KIF6: variants seen among roughly 807,000 people sequenced by gnomAD.
KIF6 encodes the protein kinesin-like protein KIF6.
KIF6 carries 106 observed loss-of-function variants against 112.7 expected under a neutral mutation model. The ratio of observed to expected loss-of-function variants is 0.94; its 90% CI spans 0.80 to 1.11. The LOEUF is 1.11. KIF6 is among the 50% of genes least tolerant of loss of function. The pLI is 0.00. For missense variants in KIF6, 929 were observed against 964.0 expected (o/e 0.96, Z 0.48); for synonymous variants, 339 against 339.9 (o/e 1.00, Z 0.03).
In KIF6 at chr6:39,392,997, C is replaced by G. The variant is rs114663593; in HGVS notation, c.1811-7325G>C. On this transcript the variant is annotated intron_variant, in intron 15 of 22. Coordinates refer to ENST00000287152, the MANE Select transcript of KIF6 (RefSeq NM_145027.6). The stretch of plus-strand genomic sequence containing the variant: ...CCCCACACATATCATAGTAAAATTA[C>G]AGAACTTCAGGGAATCAGAACCACT... Among the ~76,000 whole-genome samples the G allele has an allele frequency of 4.8e-3, 736 of 152,290 alleles. 8 individuals are homozygous for G. The highest frequency in any genetic ancestry group is 0.017 in the African/African-American group (695 of 41,550).
intron 12 of KIF6, among the ~76,000 whole-genome samples, chr6:39,541,994 TAGA>T (rs900793803): frequency 6.6e-6 from 1 of 152,110 alleles, no homozygotes; most frequent in Non-Finnish European, 1.5e-5. Flanking sequence ...AACCTCGTGT[TAGA>T]AGAACAACAA....
chr6:39,535,538 T>C (rs1441539633), intron 13 of KIF6, among the ~76,000 whole-genome samples: 1 of 152,188 alleles, frequency 6.6e-6, no homozygotes, highest in Non-Finnish European at 1.5e-5. Flanking sequence ...ATGCAACCAA[T>C]ACAGGAGCAC....
chr6:39,514,132 C>T (rs772169249), intron 13 of KIF6, among the ~76,000 whole-genome samples: 6 of 152,184 alleles, frequency 3.9e-5, no homozygotes, highest in Non-Finnish European at 7.3e-5. Context: ...TTCATACCTA[C>T]TTTTGAATTC....
chr6:39,601,173 A>C, intron 6 of KIF6, among the ~76,000 whole-genome samples: 1 of 152,092 alleles, frequency 6.6e-6, no homozygotes, highest in Middle Eastern at 3.2e-3. Flanking sequence ...TAATGTTCCC[A>C]AAACAACTGT....
chr6:39,514,106 A>G (rs577294111), intron 13 of KIF6, among the ~76,000 whole-genome samples: 3 of 152,296 alleles, frequency 2.0e-5, no homozygotes, highest in Admixed American at 6.5e-5. Flanking sequence ...TTCATTATTT[A>G]CATAAGAACC....
At chr6:39,536,358 T>C (rs1421633511) in intron 13 of KIF6, among the ~76,000 whole-genome samples, 1 of 151,570 alleles carries the variant, frequency 6.6e-6, no homozygotes, top group African/African-American at 2.4e-5. Flanking sequence ...ATCAAATAGA[T>C]GCAATAAAAA....
rs754230285 is a variant in KIF6 at position 39,376,649 on chromosome 6, T to C, written c.1861+8973A>G. On this transcript the variant is annotated intron_variant, in intron 16 of 22. Coordinates refer to ENST00000287152, the MANE Select transcript of KIF6 (RefSeq NM_145027.6). ...GTGTTGGGGAAAGAAAGACAATCTG[T>C]CCAGTGTGGGAGACACAGACTAATC... Among the ~76,000 whole-genome samples the C allele has an allele frequency of 1.7e-3, 260 of 152,310 alleles. 6 individuals are homozygous for C. Among genetic ancestry groups the C allele is most frequent in the Non-Finnish European group, 1.7e-3 (119 of 68,016 alleles).
At chr6:39,482,124 G>A (rs935767008) in intron 13 of KIF6, among the ~76,000 whole-genome samples, 4 of 151,840 alleles carry the variant, frequency 2.6e-5, no homozygotes, top group African/African-American at 7.3e-5. Flanking sequence ...TGCTTTCCAG[G>A]TCACAGCTAT....
intron 6 of KIF6, 134 bp from the exon 7 acceptor site, chr6:39,596,394 G>A: frequency 3.1e-6 from 2 of 644,316 alleles, no homozygotes. Context: ...AAAACCACTT[G>A]TAACTGAGAC....
At chr6:39,588,518 C>T (rs1388241923) in intron 7 of KIF6, among the ~76,000 whole-genome samples, 1 of 152,030 alleles carries the variant, frequency 6.6e-6, no homozygotes, top group Non-Finnish European at 1.5e-5. Flanking sequence ...CCAGCCATTG[C>T]CTGGCTTTTA....
intron 1 of KIF6, among the ~76,000 whole-genome samples, chr6:39,723,036 T>C (rs1790316323): frequency 6.6e-6 from 1 of 152,192 alleles, no homozygotes; most frequent in African/African-American, 2.4e-5. Context: ...CAGCCTCTGC[T>C]CTGACTGCTG....
At chr6:39,368,524 T>A (rs1193814606) in intron 16 of KIF6, among the ~76,000 whole-genome samples, 2 of 152,208 alleles carry the variant, frequency 1.3e-5, no homozygotes, top group Non-Finnish European at 2.9e-5. Context: ...TTTGAAGGTG[T>A]TGCTCTTTTC....
intron 16 of KIF6, among the ~76,000 whole-genome samples, chr6:39,373,318 G>A (rs1459153236): frequency 2.6e-5 from 4 of 152,304 alleles, no homozygotes; most frequent in Non-Finnish European, 5.9e-5. Context: ...GTAATCAATG[G>A]TGTCTGTGAG....
At position 39,336,448 on chromosome 6, in the gene KIF6, G is replaced by A; in HGVS notation, c.*84C>T. ...TCCCAGCAGCCCATAGTTCACTTCT[G>A]AAGCCAGAGCAAGTGAGGGGCGCTG... On this transcript the variant is annotated 3_prime_UTR_variant, in exon 23 of 23. Coordinates refer to ENST00000287152, the MANE Select transcript of KIF6 (RefSeq NM_145027.6). 7.4e-7 allele frequency: 1 copy of A among 1,346,568 alleles called. No homozygotes were observed. Among genetic ancestry groups the A allele is most frequent in the Non-Finnish European group, 1.1e-6 (1 of 936,958 alleles). The allele number at this position is 1,346,568 out of a possible 1,614,324, so 83.4% of individuals were successfully genotyped here.
chr6:39,700,888 T>C (rs970721371), intron 3 of KIF6, among the ~76,000 whole-genome samples: 32 of 152,052 alleles, frequency 2.1e-4, no homozygotes, highest in Admixed American at 4.6e-4. Flanking sequence ...AACTTTTGTA[T>C]TTTTTAGTAG....
At chr6:39,421,250 G>C (rs981980178) in intron 14 of KIF6, among the ~76,000 whole-genome samples, 1 of 152,104 alleles carries the variant, frequency 6.6e-6, no homozygotes, top group African/African-American at 2.4e-5. Flanking sequence ...GAGTGACCTG[G>C]GTTTTGTGGA....
intron 13 of KIF6, among the ~76,000 whole-genome samples, chr6:39,515,840 G>T (rs1040476548): frequency 6.6e-6 from 1 of 152,146 alleles, no homozygotes; most frequent in Non-Finnish European, 1.5e-5. Flanking sequence ...TCGACTGTGA[G>T]ATATCATACT....
At chr6:39,725,138 G>A (rs917566956) in intron 1 of KIF6, 107 bp downstream of exon 1, 6 of 881,600 alleles carry the variant, frequency 6.8e-6, no homozygotes, top group Admixed American at 6.8e-5. Context: ...CGGCCTCGGC[G>A]CCCACCAGCA....
chr6:39,340,603 C>A (rs767478775), intron 22 of KIF6, among the ~76,000 whole-genome samples: 1 of 152,096 alleles, frequency 6.6e-6, no homozygotes, highest in Non-Finnish European at 1.5e-5. Flanking sequence ...CTTACAGGAG[C>A]GTTAAGAGCA....
Sources: gnomAD v4.1 joint callset for allele counts (sites outside exome capture counted in the v4.1 genomes callset) on GRCh38, gnomAD v4.1.1 for gene constraint, MANE v1.5 for transcripts, NCBI Gene and HGNC (gene_info 2026-07-23, HGNC 2026-07-21) for gene names.